Variants in TET3 observed in about 807,000 individuals in gnomAD.
TET3 encodes the protein methylcytosine dioxygenase TET3.
In TET3, 19 loss-of-function variants were observed where a neutral mutation model predicts 141.4. The observed-to-expected ratio is 0.13, with a 90% CI of 0.09 to 0.20. The LOEUF is 0.20. Among genes scored for constraint, TET3 ranks in the 10% least tolerant of loss-of-function variants. TET3 has a pLI of 1.00. For synonymous variants in TET3, 1,043 were observed against 980.9 expected (o/e 1.06, Z -1.18); for missense variants, 1,874 against 2,356.9 (o/e 0.80, Z 4.24).
At chr2:74,129,316 C>CAAAAAAA in the TET3 span, among the ~76,000 whole-genome samples, 26 of 51,292 alleles carry the variant, frequency 5.1e-4, 2 homozygotes, top group Non-Finnish European at 6.5e-4. Flanking sequence ...AACTCCGTCT[C>CAAAAAAA]AAAAAAAAAA....
intron 3 of TET3, among the ~76,000 whole-genome samples, chr2:74,027,194 C>T (rs962644920): frequency 6.6e-6 from 1 of 152,224 alleles, no homozygotes; most frequent in African/African-American, 2.4e-5. Flanking sequence ...CTCACTGGCT[C>T]ACCCACCCTC....
At chr2:74,033,576 A>G (rs1686868385) in intron 3 of TET3, among the ~76,000 whole-genome samples, 1 of 152,232 alleles carries the variant, frequency 6.6e-6, no homozygotes, top group Non-Finnish European at 1.5e-5. Flanking sequence ...CTGCAGGTCC[A>G]GCTCTAAACC....
intron 3 of TET3, among the ~76,000 whole-genome samples, chr2:74,040,089 A>C (rs892354757): frequency 1.4e-4 from 22 of 152,232 alleles, no homozygotes; most frequent in African/African-American, 4.8e-4. Context: ...ACACGTATTA[A>C]GCACTCGATG....
intron 2 of TET3, among the ~76,000 whole-genome samples, chr2:73,997,974 T>A (rs1022036137): frequency 2.0e-5 from 3 of 151,896 alleles, no homozygotes; most frequent in African/African-American, 7.3e-5. Context: ...GTCTTGAGAG[T>A]GTAGTGACAT....
chr2:74,114,213 CTT>C, the TET3 span, among the ~76,000 whole-genome samples: 7 of 152,072 alleles, frequency 4.6e-5, no homozygotes, highest in Admixed American at 4.6e-4. Flanking sequence ...AAAGGACAAT[CTT>C]TTGAACAAAT....
intron 3 of TET3, among the ~76,000 whole-genome samples, chr2:74,017,831 G>T (rs1447338009): frequency 6.6e-6 from 1 of 151,990 alleles, no homozygotes; most frequent in Non-Finnish European, 1.5e-5. Context: ...TTCCGTAATG[G>T]CTGTACTAAT....
In TET3 at chr2:74,080,509, A is replaced by G. The variant is rs957551558; in HGVS notation, c.2597A>G (p.Lys866Arg). 6.2e-7 allele frequency: 1 copy of G among 1,612,676 alleles called. No individual in the cohort carries two copies. The highest frequency in any genetic ancestry group is 1.3e-5 in the African/African-American group (1 of 74,904). Residue 866 changes from lysine to arginine, a missense_variant, in exon 6 of 12, where the codon AAG becomes AGG. Physicochemically the swap from Lys to Arg is conservative, Grantham distance 26. Coordinates refer to ENST00000409262, the MANE Select transcript of TET3 (RefSeq NM_001287491.2). ...RELMEERYGE[K>R]GKAIRIEKVI... ...GTCTCCCTCTTCAGGTATGGAGAGA[A>G]GGGGAAAGCCATCCGGATCGAGAAG... is the stretch of plus-strand genomic sequence containing the variant.
At position 74,099,522 on chromosome 2, in the gene TET3, G is replaced by C. The variant is rs764927938; in HGVS notation, c.3514G>C (p.Glu1172Gln). The change falls in exon 11 of 12, where the codon GAG becomes CAG. Residue 1172 changes from glutamate (E) to glutamine (Q), a missense_variant. Physicochemically the swap from Glu to Gln is conservative, Grantham distance 29 (BLOSUM62 2). Coordinates refer to ENST00000409262, the MANE Select transcript of TET3 (RefSeq NM_001287491.2). ...GCTGGAAGCCAGAAAGGCAGCAGCC[G>C]AGAAGAAGAAGATTCAGAAGGAGAA... ...RQLEARKAAA[E>Q]KKKIQKEKLS... The C allele has an allele frequency of 6.2e-7, 1 of 1,612,538 alleles. No homozygotes were observed. Among genetic ancestry groups the C allele is most frequent in the African/African-American group, 1.3e-5 (1 of 74,870 alleles).
chr2:74,021,684 C>T (rs1270320742), intron 3 of TET3, among the ~76,000 whole-genome samples: 2 of 152,208 alleles, frequency 1.3e-5, no homozygotes, highest in Non-Finnish European at 2.9e-5. Flanking sequence ...GCGTTGATCT[C>T]TGGTGGGACC....
chr2:74,026,506 G>GT (rs1195017549), intron 3 of TET3, among the ~76,000 whole-genome samples: 1 of 152,192 alleles, frequency 6.6e-6, no homozygotes, highest in Non-Finnish European at 1.5e-5. Context: ...AGGTTCCAGA[G>GT]TGGTTATTTG....
intron 4 of TET3, among the ~76,000 whole-genome samples, chr2:74,050,011 C>G (rs75679640): frequency 0.018 from 2,724 of 152,236 alleles, 67 homozygotes; most frequent in African/African-American, 0.062. Context: ...TCCGCTTACC[C>G]TTTTCTCTGT....
intron 4 of TET3, among the ~76,000 whole-genome samples, chr2:74,072,397 A>G (rs1023373561): frequency 1.3e-5 from 2 of 152,054 alleles, no homozygotes; most frequent in African/African-American, 2.4e-5. Flanking sequence ...CTATAATCCC[A>G]GCTACTTGGG....
intron 10 of TET3, among the ~76,000 whole-genome samples, chr2:74,094,988 T>C (rs1017130525): frequency 1.3e-5 from 2 of 151,292 alleles, no homozygotes; most frequent in African/African-American, 4.9e-5. Context: ...AGCAGGGGAG[T>C]GAGTGCAGAT....
At position 74,094,604 on chromosome 2, in the gene TET3, G is replaced by A. The variant is rs1018795374; in HGVS notation, c.3267+938G>A. ...AACGGGAGGGAATAAGAGGAAGGAGGCGAAGGAGGAGGCTGGGGCAGCCAT... is the reference window on the plus strand; with the variant it reads ...AACGGGAGGGAATAAGAGGAAGGAGACGAAGGAGGAGGCTGGGGCAGCCAT... On this transcript the variant is annotated intron_variant, in intron 10 of 11. Coordinates refer to ENST00000409262, the MANE Select transcript of TET3 (RefSeq NM_001287491.2). Among the ~76,000 whole-genome samples, 4 of 152,116 alleles carry A rather than the reference G, an allele frequency of 2.6e-5. No homozygotes were observed. The South Asian group carries it at 8.3e-4, about 32-fold the overall frequency.
chr2:74,129,265 G>A, the TET3 span, among the ~76,000 whole-genome samples: 3 of 129,296 alleles, frequency 2.3e-5, no homozygotes, highest in East Asian at 2.4e-4. Flanking sequence ...GCAGTGAGCC[G>A]AGATTGCACC....
intron 4 of TET3, among the ~76,000 whole-genome samples, chr2:74,060,533 TA>T (rs376290030): frequency 4.8e-4 from 73 of 152,270 alleles, no homozygotes; most frequent in Admixed American, 2.8e-3. Flanking sequence ...AATTTATTAT[TA>T]TTTTTTTTTA....
intron 10 of TET3, among the ~76,000 whole-genome samples, chr2:74,097,195 G>GCACACACACACACA (rs146612512): frequency 0.014 from 1,985 of 137,960 alleles, 39 homozygotes; most frequent in Middle Eastern, 0.025. Flanking sequence ...AGCCATACAT[G>GCACACACACACACA]CACACACACA....
chr2:74,097,126 G>A (rs72818009), intron 10 of TET3, among the ~76,000 whole-genome samples: 117 of 45,516 alleles, frequency 2.6e-3, no homozygotes, highest in African/African-American at 2.8e-3. Flanking sequence ...AAAAAAAAAA[G>A]AAAAGCAGGT....
intron 4 of TET3, among the ~76,000 whole-genome samples, chr2:74,065,188 A>C (rs1207254837): frequency 6.6e-6 from 1 of 152,234 alleles, no homozygotes; most frequent in Non-Finnish European, 1.5e-5. Context: ...ATGGTAACTC[A>C]TAGAAATTAT....
Sources: gnomAD v4.1 joint callset for allele counts (sites outside exome capture counted in the v4.1 genomes callset) on GRCh38, gnomAD v4.1.1 for gene constraint, MANE v1.5 for transcripts, NCBI Gene and HGNC (gene_info 2026-07-23, HGNC 2026-07-21) for gene names.